PRSS23: variants seen among roughly 807,000 people sequenced by gnomAD.
The protein encoded by PRSS23 is protease, serine 23.
In PRSS23, 25 loss-of-function variants were observed where a neutral mutation model predicts 34.7. That is an observed-to-expected ratio of 0.72 (90% confidence interval 0.53 to 1.01). PRSS23 has a LOEUF of 1.01. PRSS23 is among the 50% of genes least tolerant of loss of function. The pLI is 0.00. For synonymous variants in PRSS23, 176 were observed against 186.6 expected (o/e 0.94, Z 0.46); for missense variants, 445 against 475.6 (o/e 0.94, Z 0.60).
chr11:86,836,572 A>G (rs1456810696), intron 2 of PRSS23, among the ~76,000 whole-genome samples: 1 of 152,222 alleles, frequency 6.6e-6, no homozygotes, highest in African/African-American at 2.4e-5. Context: ...TTAGAAAAGC[A>G]TGTGAAAACA....
At chr11:86,879,959 T>C (rs1337607240) in intron 2 of PRSS23, among the ~76,000 whole-genome samples, 1 of 151,814 alleles carries the variant, frequency 6.6e-6, no homozygotes, top group African/African-American at 2.4e-5. Flanking sequence ...CAACAGCTCA[T>C]TGAGAACGGG....
intron 2 of PRSS23, among the ~76,000 whole-genome samples, chr11:86,897,047 T>C (rs1948881763): frequency 6.6e-6 from 1 of 152,228 alleles, no homozygotes; most frequent in Non-Finnish European, 1.5e-5. Flanking sequence ...CCCAATTATT[T>C]GCATAAAATG....
intron 2 of PRSS23, among the ~76,000 whole-genome samples, chr11:86,837,956 G>A (rs1239542639): frequency 6.6e-6 from 1 of 152,110 alleles, no homozygotes; most frequent in Non-Finnish European, 1.5e-5. Context: ...AGTGCACAGA[G>A]GGTGAACTGA....
intron 2 of PRSS23, among the ~76,000 whole-genome samples, chr11:86,853,007 C>G (rs1038305423): frequency 1.3e-5 from 2 of 151,998 alleles, no homozygotes; most frequent in African/African-American, 4.8e-5. Flanking sequence ...GCGTGCGCCA[C>G]CACGCCCAGC....
chr11:86,879,508 G>GC (rs1411462207), intron 2 of PRSS23, among the ~76,000 whole-genome samples: 2 of 123,738 alleles, frequency 1.6e-5, no homozygotes, highest in Non-Finnish European at 3.5e-5. Context: ...GGGGGGATCA[G>GC]CCCCCCACCC....
chr11:86,821,835 T>C (rs1590878304), intron 1 of PRSS23: 1 of 529,670 alleles, frequency 1.9e-6, no homozygotes, highest in Non-Finnish European at 3.3e-6. Context: ...CGTCTGGGCC[T>C]ATTGGCTCGA....
upstream of PRSS23, chr11:86,800,136 CT>C: frequency 6.6e-6 from 1 of 152,458 alleles, no homozygotes; most frequent in Non-Finnish European, 1.5e-5. Flanking sequence ...GGGACCTGGT[CT>C]TTTTGCGAGC....
intron 2 of PRSS23, chr11:86,936,907 C>G (rs1949167371): frequency 6.6e-6 from 1 of 151,182 alleles, no homozygotes; most frequent in Non-Finnish European, 1.5e-5. Context: ...GAGTTCTGGT[C>G]ATACCCTTAC....
chr11:86,867,892 T>G (rs942151086), intron 2 of PRSS23, among the ~76,000 whole-genome samples: 2 of 98,748 alleles, frequency 2.0e-5, no homozygotes, highest in African/African-American at 8.4e-5. Flanking sequence ...AAAAAAAAAA[T>G]ACAACAGAGG....
intron 2 of PRSS23, among the ~76,000 whole-genome samples, chr11:86,858,238 T>TAATATTACCTCCAATATCGCACG (rs2134929042): frequency 1.3e-5 from 2 of 151,988 alleles, no homozygotes; most frequent in African/African-American, 4.8e-5. Context: ...GTAGAGAGCA[T>TAATATTACCTCCAATATCGCACG]AATATTACCT....
intron 2 of PRSS23, among the ~76,000 whole-genome samples, chr11:86,853,836 G>T (rs900152022): frequency 6.6e-6 from 1 of 151,966 alleles, no homozygotes. Flanking sequence ...ACAATTTTAC[G>T]TTCCCTCCAA....
chr11:86,909,079 T>C (rs956930374), intron 2 of PRSS23: 10 of 151,868 alleles, frequency 6.6e-5, no homozygotes, highest in Non-Finnish European at 1.5e-4. Context: ...TTAACCAGAG[T>C]TGTGCACCAT....
intron 2 of PRSS23, among the ~76,000 whole-genome samples, chr11:86,868,650 C>A (rs1939100): frequency 0.57 from 86,407 of 151,904 alleles, 25,755 homozygotes; most frequent in East Asian, 0.76. Flanking sequence ...GGATTCCTTG[C>A]AGCCTGTCAC....
At chr11:86,891,033 G>A (rs1330058527) in intron 2 of PRSS23, among the ~76,000 whole-genome samples, 8 of 152,088 alleles carry the variant, frequency 5.3e-5, no homozygotes, top group African/African-American at 1.9e-4. Context: ...GTAAGCAGGT[G>A]GTATGTGCCA....
chr11:86,887,695 T>C (rs1445947126), intron 2 of PRSS23, among the ~76,000 whole-genome samples: 1 of 152,114 alleles, frequency 6.6e-6, no homozygotes, highest in African/African-American at 2.4e-5. Flanking sequence ...CATAGTCCGG[T>C]GTACTGGGAG....
At chr11:86,898,174 A>G (rs1948888930) in intron 2 of PRSS23, among the ~76,000 whole-genome samples, 1 of 152,190 alleles carries the variant, frequency 6.6e-6, no homozygotes, top group Non-Finnish European at 1.5e-5. Context: ...TGAGAACCTA[A>G]TGGTTATAAT....
Position 86,810,690 on chromosome 11 carries a change from A to G in PRSS23, c.*1895A>G, listed in dbSNP as rs559025966. ...TTTTGTGAAGCACCTTGATTCCTTGATTTTGATTTTTTGCAAAGTTAGACA... is the reference window on the plus strand; with the variant it reads ...TTTTGTGAAGCACCTTGATTCCTTGGTTTTGATTTTTTGCAAAGTTAGACA... On this transcript the variant is annotated 3_prime_UTR_variant, in exon 2 of 2. Coordinates refer to ENST00000280258, the MANE Select transcript of PRSS23 (RefSeq NM_007173.6). 6.0e-6 allele frequency: 1 copy of G among 167,186 alleles called. No individual in the cohort carries two copies. Among genetic ancestry groups the G allele is most frequent in the South Asian group, 2.1e-4 (1 of 4,832 alleles). The allele number at this position is 167,186 out of a possible 1,614,324, so 10.4% of individuals were successfully genotyped here. A position where few individuals can be genotyped will look rare whatever the true frequency, so the allele number is the denominator to read the frequency against.
At chr11:86,854,843 G>A (rs1028886057) in intron 2 of PRSS23, among the ~76,000 whole-genome samples, 1 of 152,080 alleles carries the variant, frequency 6.6e-6, no homozygotes, top group African/African-American at 2.4e-5. Flanking sequence ...TTATTCCTGG[G>A]CTCAAAAACA....
intron 2 of PRSS23, among the ~76,000 whole-genome samples, chr11:86,885,334 C>A (rs1022083190): frequency 1.3e-5 from 2 of 152,234 alleles, no homozygotes; most frequent in African/African-American, 4.8e-5. Flanking sequence ...ATATGACTCT[C>A]TTTGTCAAAT....
Sources: allele counts gnomAD v4.1 joint callset (sites outside exome capture counted in the v4.1 genomes callset), GRCh38; gene constraint gnomAD v4.1.1; transcripts MANE v1.5; gene names NCBI Gene and HGNC (gene_info 2026-07-23, HGNC 2026-07-21).